The following KIF13A variants were observed in gnomAD, a reference collection of about 807,000 sequenced individuals.
KIF13A encodes the protein kinesin family member 13A, also known as kinesin-like protein KIF13A.
Under a neutral mutation model 212.2 loss-of-function variants are expected in KIF13A, and 79 were observed. The observed-to-expected ratio is 0.37, with a 90% CI of 0.31 to 0.45. The LOEUF is 0.45. KIF13A is among the 20% of genes least tolerant of loss of function. The pLI, the probability that KIF13A is intolerant of heterozygous loss-of-function variation, is 1.00. For synonymous variants in KIF13A, 789 were observed against 808.6 expected, an observed-to-expected ratio of 0.98 and a Z score of 0.41; for missense variants, 1,901 against 2,209.0, an observed-to-expected ratio of 0.86 and a Z score of 2.79.
rs1186441074 is a variant in KIF13A, at chr6:17,816,965, A to G, written c.2000+55T>C. On this transcript the variant is annotated intron_variant, in intron 17 of 38. Transcript: ENST00000259711. The surrounding 1 kb of genome is among the most constrained non-coding windows in gnomAD (Gnocchi z 4.3). ...GACATGTCTCAAAAACCCCTCCCTC[A>G]AAGACCCACGGCCTTGGGGCCTTGA... 1 of 1,475,464 alleles carries G rather than the reference A, an allele frequency of 6.8e-7. No individual in the cohort carries two copies. Among genetic ancestry groups the G allele is most frequent in the African/African-American group, 1.4e-5 (1 of 71,436 alleles). 91.4% of individuals were successfully genotyped at this position (1,475,464 alleles called of 1,614,324 possible).
chr6:17,983,581 C>G (rs913608588), intron 2 of KIF13A, among the ~76,000 whole-genome samples: 1 of 151,416 alleles, frequency 6.6e-6, no homozygotes. Flanking sequence ...CAACCTCCAT[C>G]GCCAAGGCTC....
chr6:17,913,589 G>A (rs1368067325), intron 2 of KIF13A, among the ~76,000 whole-genome samples: 4 of 152,120 alleles, frequency 2.6e-5, no homozygotes, highest in Non-Finnish European at 5.9e-5. Flanking sequence ...ACAAACAGCT[G>A]TCTGTGTTTC....
intron 2 of KIF13A, among the ~76,000 whole-genome samples, chr6:17,986,004 T>C (rs536997121): frequency 6.6e-6 from 1 of 152,314 alleles, no homozygotes; most frequent in East Asian, 1.9e-4. Flanking sequence ...AAACTGAGCT[T>C]GAACACCACA....
In KIF13A at chr6:17,771,057, T is replaced by C. The variant is rs182584363; in HGVS notation, c.4581+57A>G. 2.3e-5 allele frequency: 26 copies of C among 1,109,964 alleles called. No homozygotes were observed. The highest frequency in any genetic ancestry group is 3.5e-5 in the Non-Finnish European group (26 of 741,414). 68.8% of individuals were successfully genotyped at this position (1,109,964 alleles called of 1,614,324 possible). ...CTTCTAGCATTTGGATGATTGTCTG[T>C]GAAAGGGCCTTAAACCCACCACCAG... is the stretch of plus-strand genomic sequence containing the variant. On this transcript the variant is annotated intron_variant, in intron 38 of 38. Transcript: ENST00000259711. The surrounding 1 kb of genome is among the most constrained non-coding windows in gnomAD (Gnocchi z 5.4).
chr6:17,774,950 C>A, intron 35 of KIF13A, 65 bp downstream of exon 35: 1 of 1,314,474 alleles, frequency 7.6e-7, no homozygotes, highest in African/African-American at 1.5e-5. Context: ...TTAAAAACAC[C>A]AAGATCCCAC....
rs776257915 is a variant in KIF13A, at chr6:17,855,647, G to T, written c.314-30C>A. On this transcript the variant is annotated intron_variant, in intron 5 of 38. Coordinates refer to ENST00000259711, the MANE Select transcript of KIF13A (RefSeq NM_022113.6). This position sits in a 1 kb window ranked among gnomAD's most constrained non-coding sequence, Gnocchi z 4.1. Reference sequence around the variant, plus strand: ...AGAACAGCAAGGAAAAAGAAGAACAGGTAGAGGAGGGAGCAAAATGCAATG... The same window carrying T: ...AGAACAGCAAGGAAAAAGAAGAACATGTAGAGGAGGGAGCAAAATGCAATG... 4 of 1,544,402 alleles carry T rather than the reference G, an allele frequency of 2.6e-6. No homozygotes were observed. The highest frequency in any genetic ancestry group is 1.2e-5 in the South Asian group (1 of 83,712).
chr6:17,854,302 C>A (rs1767939460), intron 6 of KIF13A, among the ~76,000 whole-genome samples: 1 of 151,922 alleles, frequency 6.6e-6, no homozygotes, highest in East Asian at 1.9e-4. Context: ...CCACGCCCAG[C>A]TAATTTTTCT....
chr6:17,946,642 C>T (rs1777424621), intron 2 of KIF13A, among the ~76,000 whole-genome samples: 1 of 152,188 alleles, frequency 6.6e-6, no homozygotes, highest in African/African-American at 2.4e-5. Context: ...ATATTAAGTA[C>T]TGTCATTATC....
At chr6:17,807,263 G>A (rs111805654) in intron 18 of KIF13A, among the ~76,000 whole-genome samples, 3 of 152,226 alleles carry the variant, frequency 2.0e-5, no homozygotes, top group African/African-American at 7.2e-5. Context: ...TTCTTGCAGA[G>A]AGCCTATAAA....
intron 2 of KIF13A, among the ~76,000 whole-genome samples, chr6:17,972,850 AAAAAC>A (rs965855641): frequency 5.3e-5 from 8 of 151,978 alleles, no homozygotes; most frequent in African/African-American, 1.9e-4. Context: ...AAAAAAAAAA[AAAAAC>A]AAGGCTCCAA....
chr6:17,763,492 A>G (rs940314338), downstream of KIF13A, among the ~76,000 whole-genome samples: 1 of 145,684 alleles, frequency 6.9e-6, no homozygotes, highest in African/African-American at 2.8e-5. Context: ...AAAAAAAAAA[A>G]AAAGAAAAAA....
rs200832693 is a variant in KIF13A at position 17,799,226 on chromosome 6, G to T, written c.2790+40C>A. On this transcript the variant is annotated intron_variant, in intron 22 of 38. Coordinates refer to ENST00000259711, the MANE Select transcript of KIF13A (RefSeq NM_022113.6). This position sits in a 1 kb window ranked among gnomAD's most constrained non-coding sequence, Gnocchi z 4.4. ...TGATTGTTGAACTGCACCAATTTCTGCTGCTTCCTACACAGCTCATTTGGT... is the reference window on the plus strand; with the variant it reads ...TGATTGTTGAACTGCACCAATTTCTTCTGCTTCCTACACAGCTCATTTGGT... 1 of 1,373,860 alleles carries T rather than the reference G, an allele frequency of 7.3e-7. No homozygotes were observed. Among genetic ancestry groups the T allele is most frequent in the Non-Finnish European group, 9.7e-7 (1 of 1,035,058 alleles). 85.1% of individuals were successfully genotyped at this position (1,373,860 alleles called of 1,614,324 possible).
intron 2 of KIF13A, among the ~76,000 whole-genome samples, chr6:17,973,697 A>G (rs1182647618): frequency 6.6e-6 from 1 of 152,212 alleles, no homozygotes; most frequent in African/African-American, 2.4e-5. Context: ...CAAAAGGATC[A>G]ACAGCTATCT....
chr6:17,779,051 T>C lies in KIF13A; in HGVS notation c.3988A>G (p.Arg1330Gly). The change falls in exon 33 of 39, where the codon AGG (arginine) becomes GGG (glycine). Residue 1330 changes from arginine to glycine, a missense_variant. Transcript: ENST00000259711. ...DRETLALLAA[R>G]SENEGTSDGE... ...TCTGATGTGCCTTCGTTTTCACTCC[T>C]TGCTGCCAGGAGAGCCAGCGTTTCC... 1 of 1,613,674 alleles carries C rather than the reference T, an allele frequency of 6.2e-7. No homozygotes were observed. The highest frequency in any genetic ancestry group is 8.5e-7 in the Non-Finnish European group (1 of 1,179,784).
chr6:17,929,423 C>G (rs905720914), intron 2 of KIF13A, among the ~76,000 whole-genome samples: 2 of 138,722 alleles, frequency 1.4e-5, no homozygotes, highest in African/African-American at 5.4e-5. Flanking sequence ...TTTTTTGAGA[C>G]AGAGTCTCGC....
At chr6:17,933,450 C>T (rs971326630) in intron 2 of KIF13A, among the ~76,000 whole-genome samples, 14 of 137,366 alleles carry the variant, frequency 1.0e-4, no homozygotes, top group African/African-American at 3.5e-4. Context: ...CACTATGTTG[C>T]CCAGGCTGGT....
At chr6:17,854,116 T>C (rs1231239135) in intron 6 of KIF13A, among the ~76,000 whole-genome samples, 1 of 152,186 alleles carries the variant, frequency 6.6e-6, no homozygotes, top group Non-Finnish European at 1.5e-5. Context: ...CTCATAATTT[T>C]GGTCAAAATG....
At chr6:17,930,032 A>G (rs956968039) in intron 2 of KIF13A, among the ~76,000 whole-genome samples, 3 of 152,212 alleles carry the variant, frequency 2.0e-5, no homozygotes, top group African/African-American at 7.2e-5. Flanking sequence ...CAGGACTAAA[A>G]ATGGGGCTAC....
chr6:17,955,317 T>TATAACA (rs137863506), intron 2 of KIF13A, among the ~76,000 whole-genome samples: 2 of 151,664 alleles, frequency 1.3e-5, no homozygotes, highest in African/African-American at 4.9e-5. Context: ...TTGATTTAAA[T>TATAACA]ATAACAATAA....
Sources: allele counts gnomAD v4.1 joint callset (sites outside exome capture counted in the v4.1 genomes callset), GRCh38; gene constraint gnomAD v4.1.1; non-coding constraint Gnocchi (gnomAD v3.1); transcripts MANE v1.5; gene names NCBI Gene and HGNC (gene_info 2026-07-23, HGNC 2026-07-21).